Variants in OXTR observed in about 807,000 individuals in gnomAD.
The protein encoded by OXTR is oxytocin receptor.
OXTR carries 19 observed loss-of-function variants against 23.9 expected under a neutral mutation model. That is an observed-to-expected ratio of 0.80 (90% CI 0.56 to 1.17). OXTR has a LOEUF of 1.17. Ranked by LOEUF, OXTR falls within the 50% of genes most tolerant of loss-of-function variation. The pLI, the probability that OXTR is intolerant of heterozygous loss-of-function variation, is 0.00. For synonymous variants in OXTR, 278 were observed against 250.5 expected, an observed-to-expected ratio of 1.11 and a Z score of -1.04; for missense variants, 500 against 550.7, an observed-to-expected ratio of 0.91 and a Z score of 0.92.
At chr3:8,755,840 C>A (rs1300908581) in intron 3 of OXTR, among the ~76,000 whole-genome samples, 1 of 152,200 alleles carries the variant, frequency 6.6e-6, no homozygotes, top group Non-Finnish European at 1.5e-5. Flanking sequence ...GAACACAAAG[C>A]AGGGACTATG....
downstream of OXTR, among the ~76,000 whole-genome samples, chr3:8,748,681 G>A (rs1452173217): frequency 6.6e-6 from 1 of 152,198 alleles, no homozygotes; most frequent in Non-Finnish European, 1.5e-5. Context: ...AGTTACAGAG[G>A]GGTGCCAGAG....
intron 3 of OXTR, among the ~76,000 whole-genome samples, chr3:8,756,737 A>C (rs1387539053): frequency 6.6e-6 from 1 of 152,198 alleles, no homozygotes; most frequent in Non-Finnish European, 1.5e-5. Context: ...CCTTTGGCCA[A>C]AAGGAGCTGC....
At chr3:8,765,996 G>A (rs757709729) in intron 3 of OXTR, among the ~76,000 whole-genome samples, 2 of 152,138 alleles carry the variant, frequency 1.3e-5, no homozygotes, top group African/African-American at 2.4e-5. Context: ...CTGAGATTTC[G>A]GCTTCCCAGG....
downstream of OXTR, chr3:8,745,448 C>A (rs1182619404): frequency 1.8e-6 from 2 of 1,107,284 alleles, no homozygotes; most frequent in African/African-American, 1.5e-5. This position sits in a 1 kb window ranked among gnomAD's most constrained non-coding sequence, Gnocchi z 4.8. Flanking sequence ...GGGATTCTGA[C>A]ACATGCACGC....
At chr3:8,747,792 C>T (rs1049635800), downstream of OXTR, among the ~76,000 whole-genome samples, 10 of 152,306 alleles carry the variant, frequency 6.6e-5, no homozygotes, top group East Asian at 1.9e-4. Context: ...CTTGAAATCA[C>T]GAGGCCATCC....
At chr3:8,746,799 T>TCTCACACACACACACACACACACACA (rs1226912382), downstream of OXTR, 21 of 147,082 alleles carry the variant, frequency 1.4e-4, no homozygotes, top group African/African-American at 4.5e-4. Flanking sequence ...TCTCTCTCTC[T>TCTCACACACACACACACACACACACA]CACACACACA....
chr3:8,756,845 C>T lies in OXTR; in HGVS notation c.923-3621G>A, dbSNP rs907567899. The stretch of plus-strand genomic sequence containing the variant: ...AGGGCCATGGCCACTCCCAAGCTCC[C>T]GGTGAGACTGGCCTCCCTCCGCATT... On this transcript the variant is annotated intron_variant, in intron 3 of 3. Coordinates refer to ENST00000316793, the MANE Select transcript of OXTR (RefSeq NM_000916.4). Among the ~76,000 whole-genome samples, 7 of 152,220 alleles carry T rather than the reference C, an allele frequency of 4.6e-5. No individual in the cohort carries two copies. The South Asian group carries it at 6.2e-4, about 14-fold the overall frequency.
chr3:8,761,716 G>T (rs1327193337), intron 3 of OXTR, among the ~76,000 whole-genome samples: 1 of 152,232 alleles, frequency 6.6e-6, no homozygotes, highest in African/African-American at 2.4e-5. Flanking sequence ...CTTGCTCACA[G>T]TGGGCACTCA....
At chr3:8,764,954 A>G (rs1708571920) in intron 3 of OXTR, among the ~76,000 whole-genome samples, 1 of 152,184 alleles carries the variant, frequency 6.6e-6, no homozygotes, top group African/African-American at 2.4e-5. Context: ...AAAGAAGCAA[A>G]GGGAAGTAGG....
the OXTR span, among the ~76,000 whole-genome samples, chr3:8,744,218 G>A: frequency 6.6e-6 from 1 of 152,148 alleles, no homozygotes; most frequent in East Asian, 1.9e-4. Flanking sequence ...AACAACCATG[G>A]GGAGACCAGT....
At chr3:8,764,574 C>T (rs1424663495) in intron 3 of OXTR, among the ~76,000 whole-genome samples, 2 of 152,198 alleles carry the variant, frequency 1.3e-5, no homozygotes, top group Admixed American at 1.3e-4. Flanking sequence ...CAAAGTGATG[C>T]AGACACCATT....
chr3:8,745,523 C>A (rs756199256), downstream of OXTR: 3 of 1,612,734 alleles, frequency 1.9e-6, no homozygotes, highest in South Asian at 3.3e-5. This position sits in a 1 kb window ranked among gnomAD's most constrained non-coding sequence, Gnocchi z 4.8. Context: ...GCCACCCCTG[C>A]AGGTGGATTT....
At chr3:8,762,846 G>C (rs1708518970) in intron 3 of OXTR, among the ~76,000 whole-genome samples, 1 of 152,180 alleles carries the variant, frequency 6.6e-6, no homozygotes, top group South Asian at 2.1e-4. Flanking sequence ...TCTTTTCCAG[G>C]TTGCCAGTTC....
chr3:8,767,885 G>C lies in OXTR; in HGVS notation c.303C>G (p.Ile101Met). The change falls in exon 3 of 4, where the codon ATC (isoleucine) becomes ATG (methionine). Residue 101 changes from isoleucine to methionine, a missense_variant. Ile to Met is a conservative substitution (Grantham distance 10). Transcript: ENST00000316793. ...GGTCGGGCCCGTAGAAGCGGAAGGT[G>C]ATGTCCCACAGCAACTGCGGCAGCA... ...FQVLPQLLWD[I>M]TFRFYGPDLL... 1 of 1,613,696 alleles carries C rather than the reference G, an allele frequency of 6.2e-7. No homozygotes were observed. The highest frequency in any genetic ancestry group is 8.5e-7 in the Non-Finnish European group (1 of 1,179,860).
At chr3:8,763,105 C>T (rs372912693) in intron 3 of OXTR, among the ~76,000 whole-genome samples, 4 of 152,168 alleles carry the variant, frequency 2.6e-5, no homozygotes, top group African/African-American at 9.7e-5. Context: ...GGACAAGCAG[C>T]GTCCCTGCTG....
At chr3:8,766,531 T>C (rs1053876238) in intron 3 of OXTR, among the ~76,000 whole-genome samples, 1 of 151,438 alleles carries the variant, frequency 6.6e-6, no homozygotes, top group African/African-American at 2.4e-5. Context: ...CTCAAGGCTT[T>C]CTTCTCTTTC....
the OXTR span, chr3:8,745,076 C>G: frequency 5.8e-6 from 1 of 170,970 alleles, no homozygotes; most frequent in Non-Finnish European, 1.3e-5. This position sits in a 1 kb window ranked among gnomAD's most constrained non-coding sequence, Gnocchi z 4.8. Flanking sequence ...GGGAGGTGAT[C>G]GGATCACAGA....
intron 3 of OXTR, among the ~76,000 whole-genome samples, chr3:8,762,637 C>A (rs542225334): frequency 2.0e-5 from 3 of 152,308 alleles, no homozygotes; most frequent in African/African-American, 7.2e-5. Context: ...CCCCACACCT[C>A]GGGCACAGCA....
chr3:8,760,725 C>T (rs1708466236), intron 3 of OXTR, among the ~76,000 whole-genome samples: 2 of 152,112 alleles, frequency 1.3e-5, no homozygotes, highest in Admixed American at 1.3e-4. Flanking sequence ...GATGGGAATC[C>T]GTGGAAGAAA....
Sources: allele counts gnomAD v4.1 joint callset (sites outside exome capture counted in the v4.1 genomes callset), GRCh38; gene constraint gnomAD v4.1.1; non-coding constraint Gnocchi (gnomAD v3.1); transcripts MANE v1.5; gene names NCBI Gene and HGNC (gene_info 2026-07-23, HGNC 2026-07-21).